The following GNB5 variants were observed in gnomAD, a reference collection of about 807,000 sequenced individuals.
The protein encoded by GNB5 is guanine nucleotide-binding protein subunit beta-5.
In GNB5, 37 loss-of-function variants were observed where a neutral mutation model predicts 55.3. That is an observed-to-expected ratio of 0.67 (90% CI 0.51 to 0.88). GNB5 has a LOEUF of 0.88. Among genes scored for constraint, GNB5 ranks in the 40% least tolerant of loss-of-function variants. The pLI is 0.00. For missense variants in GNB5, 476 were observed against 515.3 expected (o/e 0.92, Z 0.74); for synonymous variants, 219 against 198.5 (o/e 1.10, Z -0.87).
chr15:52,137,999 CA>C (rs2033764837), intron 7 of GNB5: 1 of 1,252,542 alleles, frequency 8.0e-7, no homozygotes, highest in East Asian at 5.6e-5. Context: ...GCAATGCAAC[CA>C]CTGACCACAC....
intron 6 of GNB5, among the ~76,000 whole-genome samples, chr15:52,143,519 A>T (rs539067975): frequency 6.6e-6 from 1 of 152,298 alleles, no homozygotes; most frequent in South Asian, 2.1e-4. Flanking sequence ...CTTCTTGGGG[A>T]TATGGCTCCT....
At chr15:52,170,920 AC>A (rs2034543019) in intron 3 of GNB5, among the ~76,000 whole-genome samples, 1 of 149,692 alleles carries the variant, frequency 6.7e-6, no homozygotes, top group African/African-American at 2.4e-5. Flanking sequence ...AGCCTGGACA[AC>A]ATGGCTAAAC....
intron 3 of GNB5, among the ~76,000 whole-genome samples, chr15:52,160,308 G>T (rs1009576439): frequency 6.6e-6 from 1 of 152,212 alleles, no homozygotes; most frequent in Non-Finnish European, 1.5e-5. Flanking sequence ...GGCAGACAAT[G>T]ACCCAATCCA....
Position 52,166,883 on chromosome 15 carries a change from A to G in GNB5, c.239-12807T>C, listed in dbSNP as rs527705223. ...CATGAAAAACCCTTCAAAAAAATCA[A>G]TGAATCCAGGAGCTGGTTTTTTGAA... On this transcript the variant is annotated intron_variant, in intron 3 of 12. Transcript: ENST00000261837. Among the ~76,000 whole-genome samples the G allele has an allele frequency of 1.5e-3, 226 of 152,280 alleles. 1 individual carries two copies. The highest frequency in any genetic ancestry group is 5.1e-3 in the African/African-American group (211 of 41,554).
chr15:52,117,102 A>ATATATATATATATATATATATTTTT lies in GNB5; in HGVS notation c.*5654_*5655insAAAAATATATATATATATATATATA. 2.6e-4 allele frequency: 23 copies of ATATATATATATATATATATATTTTT among 87,090 alleles called. 1 individual carries two copies. Among genetic ancestry groups the ATATATATATATATATATATATTTTT allele is most frequent in the African/African-American group, 1.3e-3 (22 of 16,438 alleles). The allele number at this position is 87,090 out of a possible 1,614,324, so 5.4% of individuals were successfully genotyped here. On this transcript the variant is annotated 3_prime_UTR_variant, in exon 13 of 13. Coordinates refer to ENST00000261837, the MANE Select transcript of GNB5 (RefSeq NM_016194.4). ...CCACGCCCAGCTAATATATATATAT[A>ATATATATATATATATATATATTTTT]TTTTTTTTTAGTACAGACAGGGTTT...
chr15:52,171,770 G>T (rs1235293253), intron 3 of GNB5, among the ~76,000 whole-genome samples: 1 of 152,138 alleles, frequency 6.6e-6, no homozygotes, highest in African/African-American at 2.4e-5. Flanking sequence ...CCATAAATCA[G>T]AATAGTCCAA....
At chr15:52,125,919 T>C (rs1287525319) in intron 11 of GNB5, 29 bp downstream of exon 11, 15 of 923,276 alleles carry the variant, frequency 1.6e-5, no homozygotes, top group Non-Finnish European at 2.5e-5. Flanking sequence ...CTTACAGTCC[T>C]GGGAAAAGTT....
At chr15:52,160,473 T>C (rs1596088739) in intron 3 of GNB5, among the ~76,000 whole-genome samples, 1 of 152,074 alleles carries the variant, frequency 6.6e-6, no homozygotes, top group Non-Finnish European at 1.5e-5. Flanking sequence ...GCTTTTGAAA[T>C]GGAGGAGCCA....
At chr15:52,179,941 G>A in intron 2 of GNB5, 62 bp from the exon 3 acceptor site, 2 of 1,437,118 alleles carry the variant, frequency 1.4e-6, no homozygotes, top group South Asian at 1.3e-5. Context: ...GCCGCGGCGG[G>A]CGCCGCTCCA....
At position 52,168,720 on chromosome 15, in the gene GNB5, T is replaced by C. The variant is rs1803926954; in HGVS notation, c.238+11048A>G. ...CATCAGGCTACCCAACTTCAAAATATACTACAAGGCTACAGTAACCAAAAC... is the reference window on the plus strand; with the variant it reads ...CATCAGGCTACCCAACTTCAAAATACACTACAAGGCTACAGTAACCAAAAC... On this transcript the variant is annotated intron_variant, in intron 3 of 12. Transcript: ENST00000261837. Among the ~76,000 whole-genome samples, 4 of 152,212 alleles carry C rather than the reference T, an allele frequency of 2.6e-5. No individual in the cohort carries two copies. In the South Asian group the frequency reaches 8.3e-4, roughly 32 times the overall value.
intron 3 of GNB5, among the ~76,000 whole-genome samples, chr15:52,157,431 A>G (rs12903195): frequency 0.4 from 59,474 of 150,182 alleles, 12,439 homozygotes; most frequent in African/African-American, 0.53. Flanking sequence ...ATTTTTAGTA[A>G]AGACAGGTTT....
intron 7 of GNB5, chr15:52,137,080 C>A: frequency 1.9e-6 from 1 of 519,316 alleles, no homozygotes; most frequent in Non-Finnish European, 3.3e-6. Flanking sequence ...TTAAAATCAC[C>A]AAGCCTGGAC....
At chr15:52,177,113 C>T (rs914015555) in intron 3 of GNB5, among the ~76,000 whole-genome samples, 3 of 145,762 alleles carry the variant, frequency 2.1e-5, no homozygotes, top group Non-Finnish European at 3.0e-5. Context: ...CGGCTCACTG[C>T]AACCTCCAAC....
chr15:52,171,592 C>T (rs1314173112), intron 3 of GNB5, among the ~76,000 whole-genome samples: 2 of 152,188 alleles, frequency 1.3e-5, no homozygotes, highest in Admixed American at 6.5e-5. Flanking sequence ...CCTCTGATGG[C>T]TGCAGGAGGC....
rs772223635 is a variant in GNB5 at position 52,154,191 on chromosome 15, A to G, written c.239-115T>C. 1.8e-5 allele frequency: 15 copies of G among 852,912 alleles called. No homozygotes were observed. The Admixed American group carries it at 2.0e-4, about 12-fold the overall frequency. The allele number at this position is 852,912 out of a possible 1,614,324, so 52.8% of individuals were successfully genotyped here. On this transcript the variant is annotated intron_variant, in intron 3 of 12. Coordinates refer to ENST00000261837, the MANE Select transcript of GNB5 (RefSeq NM_016194.4). ...GGAGGCGGCCCCATGGGCTTCCTCC[A>G]TAACAAGCCACAGCTTGATTCTCTG... is the stretch of plus-strand genomic sequence containing the variant.
Position 52,129,910 on chromosome 15 carries a change from TC to T in GNB5, c.864-1667del, listed in dbSNP as rs1247927536. Among the ~76,000 whole-genome samples, 24 of 152,342 alleles carry T rather than the reference TC, an allele frequency of 1.6e-4. No homozygotes were observed. The South Asian group carries it at 4.8e-3, about 30-fold the overall frequency. The stretch of plus-strand genomic sequence containing the variant: ...CTGAACCCCATTGAGAAACACTAGT[TC>T]GTTTTGTTTTGTTTTTCCTGGGCAG... On this transcript the variant is annotated intron_variant, in intron 9 of 12. Coordinates refer to ENST00000261837, the MANE Select transcript of GNB5 (RefSeq NM_016194.4).
rs372768587 is a variant in GNB5, at chr15:52,135,190, G to A, written c.771+423C>T. Among the ~76,000 whole-genome samples the A allele has an allele frequency of 2.7e-4, 41 of 152,178 alleles. No homozygotes were observed. The East Asian group carries it at 4.7e-3, about 17-fold the overall frequency. ...CTCAAAGTCCTGGTGGCATCACAGCGTTGCCTCAGCTCAGTAGCCATCTGA... is the reference window on the plus strand; with the variant it reads ...CTCAAAGTCCTGGTGGCATCACAGCATTGCCTCAGCTCAGTAGCCATCTGA... On this transcript the variant is annotated intron_variant, in intron 8 of 12. Coordinates refer to ENST00000261837, the MANE Select transcript of GNB5 (RefSeq NM_016194.4).
Position 52,141,219 on chromosome 15 carries a change from T to C in GNB5, c.548A>G (p.Asn183Ser). ...VYPLTFDKNE[N>S]MAAKKKSVAM... The stretch of plus-strand genomic sequence containing the variant: ...AACAGACTTCTTTTTGGCAGCCATG[T>C]TTTCATTTTTGTCAAACGTCAAGGG... The change falls in exon 7 of 13, where the codon AAC becomes AGC. Residue 183 changes from asparagine (N) to serine (S), a missense_variant. By Grantham distance (46) the Asn-to-Ser change is conservative. Coordinates refer to ENST00000261837, the MANE Select transcript of GNB5 (RefSeq NM_016194.4). 1 of 1,613,912 alleles carries C rather than the reference T, an allele frequency of 6.2e-7. No homozygotes were observed. The highest frequency in any genetic ancestry group is 2.2e-5 in the East Asian group (1 of 44,886).
chr15:52,132,240 G>A (rs1166157453), intron 9 of GNB5, among the ~76,000 whole-genome samples: 1 of 152,150 alleles, frequency 6.6e-6, no homozygotes, highest in Non-Finnish European at 1.5e-5. Context: ...CTCTGACCCA[G>A]GAGTCTTGTG....
Sources: allele counts gnomAD v4.1 joint callset (sites outside exome capture counted in the v4.1 genomes callset), GRCh38; gene constraint gnomAD v4.1.1; transcripts MANE v1.5; gene names NCBI Gene and HGNC (gene_info 2026-07-23, HGNC 2026-07-21).